IGFL2: variants seen among roughly 807,000 people sequenced by gnomAD.
IGFL2 encodes the protein insulin growth factor-like family member 2.
Under a neutral mutation model 13.9 loss-of-function variants are expected in IGFL2, and 7 were observed. The observed-to-expected ratio is 0.51, with a 90% CI of 0.29 to 0.95. IGFL2 has a LOEUF of 0.95. Among genes scored for constraint, IGFL2 ranks in the 40% least tolerant of loss-of-function variants. The pLI is 0.08. For synonymous variants in IGFL2, 55 were observed against 55.8 expected (o/e 0.99, Z 0.07); for missense variants, 138 against 147.8 (o/e 0.93, Z 0.34).
chr19:46,206,415 G>T, the IGFL2 span, among the ~76,000 whole-genome samples: 1 of 152,276 alleles, frequency 6.6e-6, no homozygotes, highest in Non-Finnish European at 1.5e-5. Context: ...CAGGCCAAAT[G>T]CCACACCCAG....
At chr19:46,106,342 G>A in the IGFL2 span, among the ~76,000 whole-genome samples, 1 of 152,132 alleles carries the variant, frequency 6.6e-6, no homozygotes, top group Non-Finnish European at 1.5e-5. Flanking sequence ...TTTGAATAAG[G>A]TGAGAAGCAG....
the IGFL2 span, among the ~76,000 whole-genome samples, chr19:46,103,275 T>C: frequency 6.6e-6 from 1 of 152,002 alleles, no homozygotes; most frequent in African/African-American, 2.4e-5. Context: ...TTTTTAGCAG[T>C]AAGTCAAAGC....
At chr19:46,098,564 T>C in the IGFL2 span, among the ~76,000 whole-genome samples, 1 of 151,190 alleles carries the variant, frequency 6.6e-6, no homozygotes, top group Non-Finnish European at 1.5e-5. Flanking sequence ...ACTGCACTTC[T>C]GCCTCTTGGA....
the IGFL2 span, among the ~76,000 whole-genome samples, chr19:46,181,728 C>G: frequency 1.3e-5 from 2 of 152,342 alleles, no homozygotes; most frequent in East Asian, 1.9e-4. Flanking sequence ...CCCCCAAATT[C>G]TTGGAGAGAC....
chr19:46,183,631 G>C, the IGFL2 span, among the ~76,000 whole-genome samples: 6 of 151,676 alleles, frequency 4.0e-5, no homozygotes. Flanking sequence ...CACCTCCTGG[G>C]TTCAAGCAAT....
At chr19:46,194,815 C>T in the IGFL2 span, among the ~76,000 whole-genome samples, 3 of 137,706 alleles carry the variant, frequency 2.2e-5, no homozygotes, top group Non-Finnish European at 4.6e-5. Context: ...AGAACAAGAC[C>T]CAGGCTTCCT....
the IGFL2 span, among the ~76,000 whole-genome samples, chr19:46,172,980 A>G: frequency 1.3e-5 from 2 of 152,318 alleles, no homozygotes; most frequent in African/African-American, 4.8e-5. Flanking sequence ...GATCCTTGGT[A>G]TTTATAGCAT....
chr19:46,165,107 C>T (rs1974336465), downstream of IGFL2, among the ~76,000 whole-genome samples: 1 of 152,204 alleles, frequency 6.6e-6, no homozygotes, highest in African/African-American at 2.4e-5. Context: ...TGGGACTGGT[C>T]CACAAAGGAG....
At chr19:46,104,809 T>C in the IGFL2 span, among the ~76,000 whole-genome samples, 1 of 152,228 alleles carries the variant, frequency 6.6e-6, no homozygotes, top group Non-Finnish European at 1.5e-5. Context: ...AGAGGCAGGC[T>C]AGTGGCTTGT....
the IGFL2 span, among the ~76,000 whole-genome samples, chr19:46,125,908 A>G: frequency 7.9e-5 from 12 of 152,328 alleles, no homozygotes; most frequent in East Asian, 1.9e-4. Context: ...TCTTATTCCA[A>G]ATGAAACTTC....
chr19:46,117,873 A>G, the IGFL2 span, among the ~76,000 whole-genome samples: 1 of 151,806 alleles, frequency 6.6e-6, no homozygotes, highest in Non-Finnish European at 1.5e-5. Context: ...GGACCACCTC[A>G]CTCTCTTGAC....
chr19:46,127,643 A>G, the IGFL2 span, among the ~76,000 whole-genome samples: 2 of 152,244 alleles, frequency 1.3e-5, no homozygotes, highest in Admixed American at 1.3e-4. Flanking sequence ...GTGGGTAGAT[A>G]GGTAGGTAGG....
At chr19:46,100,603 C>A in the IGFL2 span, among the ~76,000 whole-genome samples, 3 of 152,216 alleles carry the variant, frequency 2.0e-5, no homozygotes, top group African/African-American at 7.2e-5. Context: ...GATGACAGCA[C>A]CTGGAAAGAT....
intron 1 of IGFL2, 182 bp from the exon 2 acceptor site, chr19:46,160,233 T>A (rs1011581970): frequency 6.5e-6 from 4 of 616,086 alleles, no homozygotes; most frequent in African/African-American, 5.5e-5. Flanking sequence ...TCCATGCTTC[T>A]CTGGCCCTGC....
At chr19:46,124,342 G>A in the IGFL2 span, 2 of 1,596,096 alleles carry the variant, frequency 1.3e-6, 1 homozygote, top group Non-Finnish European at 1.7e-6. Flanking sequence ...AAGGAAAAAG[G>A]TTGAACATGG....
the IGFL2 span, chr19:46,214,660 G>T: frequency 6.6e-6 from 1 of 151,984 alleles, no homozygotes; most frequent in African/African-American, 2.4e-5. Context: ...CAGACCCCTG[G>T]CACCCATCCT....
At chr19:46,094,979 G>A in the IGFL2 span, among the ~76,000 whole-genome samples, 2,018 of 152,242 alleles carry the variant, frequency 0.013, 31 homozygotes, top group Middle Eastern at 0.027. Flanking sequence ...GAGTAGTGCT[G>A]CAGTAAACAT....
chr19:46,172,118 C>G, the IGFL2 span, among the ~76,000 whole-genome samples: 5 of 152,262 alleles, frequency 3.3e-5, 2 homozygotes, highest in Admixed American at 3.3e-4. Context: ...GAGATACGGA[C>G]TTTGGAAGTG....
the IGFL2 span, chr19:46,124,377 A>C: frequency 6.6e-7 from 1 of 1,526,286 alleles, no homozygotes; most frequent in African/African-American, 1.4e-5. Context: ...CAAGTATGGA[A>C]AAAACAAACA....
Sources: allele counts gnomAD v4.1 joint callset (sites outside exome capture counted in the v4.1 genomes callset), GRCh38; gene constraint gnomAD v4.1.1; transcripts MANE v1.5; gene names NCBI Gene and HGNC (gene_info 2026-07-23, HGNC 2026-07-21).